OPCML: variants seen among roughly 807,000 people sequenced by gnomAD.
OPCML encodes opioid binding protein/cell adhesion molecule like.
A neutral mutation model predicts 37.8 loss-of-function variants in OPCML; 13 were observed. The observed-to-expected ratio is 0.34, with a 90% CI of 0.22 to 0.55. The LOEUF (loss-of-function observed/expected upper bound fraction) is 0.55, where lower values mean the gene tolerates loss of function less well. OPCML is among the 20% of genes least tolerant of loss of function. The pLI, the probability that OPCML is intolerant of heterozygous loss-of-function variation, is 0.91. For missense variants in OPCML, 341 were observed against 435.6 expected, an observed-to-expected ratio of 0.78 and a Z score of 1.93; for synonymous variants, 176 against 168.8, an observed-to-expected ratio of 1.04 and a Z score of -0.33.
At chr11:132,694,028 T>C (rs777911080) in intron 2 of OPCML, among the ~76,000 whole-genome samples, 1 of 152,120 alleles carries the variant, frequency 6.6e-6, no homozygotes, top group Admixed American at 6.5e-5. Context: ...CCACACTCTC[T>C]GCAGGATGAC....
chr11:133,322,313 C>G (rs1477243296), intron 1 of OPCML, among the ~76,000 whole-genome samples: 2 of 152,232 alleles, frequency 1.3e-5, no homozygotes, highest in African/African-American at 4.8e-5. Flanking sequence ...AGATTAAAAA[C>G]ATATCATGGT....
chr11:133,304,485 A>G (rs1021412228), intron 1 of OPCML, among the ~76,000 whole-genome samples: 2 of 152,176 alleles, frequency 1.3e-5, no homozygotes, highest in African/African-American at 4.8e-5. Context: ...ATGCCAGAGA[A>G]AGGATGCAAT....
At chr11:133,160,626 A>G (rs1172194611) in intron 1 of OPCML, among the ~76,000 whole-genome samples, 1 of 152,078 alleles carries the variant, frequency 6.6e-6, no homozygotes, top group Non-Finnish European at 1.5e-5. Context: ...TTGCCTCCCA[A>G]CCTTCTTCCC....
At chr11:132,947,558 G>T (rs1945771962) in intron 1 of OPCML, among the ~76,000 whole-genome samples, 1 of 152,174 alleles carries the variant, frequency 6.6e-6, no homozygotes. Context: ...CAGTTGTGTG[G>T]GAGAGACTTC....
chr11:132,653,287 A>G (rs1591677024), intron 3 of OPCML, among the ~76,000 whole-genome samples: 2 of 152,282 alleles, frequency 1.3e-5, no homozygotes, highest in Admixed American at 6.5e-5. Flanking sequence ...TTTCCTGTGG[A>G]CAGTGCCTCT....
intron 3 of OPCML, among the ~76,000 whole-genome samples, chr11:132,610,951 A>G (rs1340483142): frequency 1.3e-5 from 2 of 152,186 alleles, no homozygotes; most frequent in Non-Finnish European, 2.9e-5. Flanking sequence ...TTAAAGCCCC[A>G]TGGTGAGCAA....
chr11:132,976,333 T>C (rs1385429237), intron 1 of OPCML, among the ~76,000 whole-genome samples: 2 of 152,212 alleles, frequency 1.3e-5, no homozygotes, highest in Non-Finnish European at 2.9e-5. Context: ...GACTTGATGC[T>C]ATCTCAGTTC....
At chr11:133,234,557 C>T (rs1045475110) in intron 1 of OPCML, among the ~76,000 whole-genome samples, 1 of 152,246 alleles carries the variant, frequency 6.6e-6, no homozygotes, top group African/African-American at 2.4e-5. Flanking sequence ...CTCCTGATGG[C>T]GCAGCTCAGC....
At chr11:132,748,051 C>CCAGCTGCTT (rs1945698615) in intron 2 of OPCML, among the ~76,000 whole-genome samples, 1 of 148,068 alleles carries the variant, frequency 6.8e-6, no homozygotes, top group South Asian at 2.2e-4. Context: ...ATTTTATCCT[C>CCAGCTGCTT]CAGCTGCTTG....
At chr11:132,914,018 G>A (rs1038721448) in intron 2 of OPCML, among the ~76,000 whole-genome samples, 1 of 152,186 alleles carries the variant, frequency 6.6e-6, no homozygotes, top group African/African-American at 2.4e-5. Flanking sequence ...GGAGTGTGAA[G>A]GACAACTTGA....
At chr11:133,039,978 A>G (rs534791362) in intron 1 of OPCML, among the ~76,000 whole-genome samples, 6 of 151,866 alleles carry the variant, frequency 4.0e-5, no homozygotes, top group South Asian at 2.1e-4. Flanking sequence ...GCAGTGAGCC[A>G]AGATCACACC....
chr11:132,949,672 T>C (rs547174081), intron 1 of OPCML, among the ~76,000 whole-genome samples: 1 of 152,366 alleles, frequency 6.6e-6, no homozygotes, highest in South Asian at 2.1e-4. Context: ...AACACGATTT[T>C]TACTTATTCA....
At chr11:133,246,873 T>C (rs1335661303) in intron 1 of OPCML, among the ~76,000 whole-genome samples, 1 of 152,162 alleles carries the variant, frequency 6.6e-6, no homozygotes, top group East Asian at 1.9e-4. Context: ...ATTAGGTGGG[T>C]AGAATTGGCA....
chr11:133,300,409 T>A (rs1044256630), intron 1 of OPCML: 3 of 152,162 alleles, frequency 2.0e-5, no homozygotes, highest in African/African-American at 7.2e-5. Context: ...TCCAAACCTT[T>A]GCTTGTGCTT....
intron 1 of OPCML, chr11:133,006,327 A>G (rs1298036385): frequency 6.3e-6 from 4 of 634,106 alleles, no homozygotes; most frequent in Non-Finnish European, 7.8e-6. Context: ...TTTTCACCCA[A>G]TAAAACCCTA....
At chr11:133,482,215 T>C (rs1486876783) in intron 1 of OPCML, among the ~76,000 whole-genome samples, 1 of 152,026 alleles carries the variant, frequency 6.6e-6, no homozygotes, top group East Asian at 1.9e-4. Flanking sequence ...GAGTCACAGA[T>C]ATTTGGGAGG....
At chr11:133,342,440 T>C (rs561374612) in intron 1 of OPCML, among the ~76,000 whole-genome samples, 163 of 152,222 alleles carry the variant, frequency 1.1e-3, no homozygotes, top group African/African-American at 3.8e-3. Context: ...TACCTGTACA[T>C]AGAGCAGGGA....
At chr11:133,305,315 T>C (rs924857842) in intron 1 of OPCML, among the ~76,000 whole-genome samples, 3 of 152,120 alleles carry the variant, frequency 2.0e-5, no homozygotes, top group Non-Finnish European at 2.9e-5. Context: ...CACAGCAACA[T>C]GAGGATGTCA....
At chr11:132,445,220 T>C (rs1178297740) in intron 4 of OPCML, among the ~76,000 whole-genome samples, 1 of 152,206 alleles carries the variant, frequency 6.6e-6, no homozygotes, top group East Asian at 1.9e-4. Context: ...AGTACATTAA[T>C]AAAGATCTCC....
Sources: gnomAD v4.1 joint callset for allele counts (sites outside exome capture counted in the v4.1 genomes callset) on GRCh38, gnomAD v4.1.1 for gene constraint, MANE v1.5 for transcripts, NCBI Gene and HGNC (gene_info 2026-07-23, HGNC 2026-07-21) for gene names.